PGCKA1: variants seen among roughly 807,000 people sequenced by gnomAD.
PGCKA1 encodes PDCD10 and GCKIII kinases-associated protein 1.
the PGCKA1 span, among the ~76,000 whole-genome samples, chr4:37,561,886 G>A: frequency 2.0e-5 from 3 of 152,134 alleles, no homozygotes; most frequent in East Asian, 1.9e-4. Context: ...TTGAGCTCAG[G>A]GCTAACAGCA....
chr4:37,567,335 G>T, the PGCKA1 span, among the ~76,000 whole-genome samples: 2 of 152,190 alleles, frequency 1.3e-5, no homozygotes. Context: ...ACACTCAGTG[G>T]CTAACTGCTT....
chr4:37,476,397 C>T, the PGCKA1 span, among the ~76,000 whole-genome samples: 107 of 152,242 alleles, frequency 7.0e-4, no homozygotes, highest in African/African-American at 2.2e-3. Context: ...AACATCTTGC[C>T]TATTGCTGTA....
chr4:37,577,766 G>T, the PGCKA1 span, among the ~76,000 whole-genome samples: 8 of 152,068 alleles, frequency 5.3e-5, no homozygotes, highest in African/African-American at 1.9e-4. Context: ...TGTGTTTCAA[G>T]AATTTTTTTC....
At chr4:37,517,287 G>A in the PGCKA1 span, among the ~76,000 whole-genome samples, 4 of 147,462 alleles carry the variant, frequency 2.7e-5, no homozygotes, top group Admixed American at 2.0e-4. Context: ...ATATAAATAT[G>A]TATAAATATA....
At chr4:37,555,606 T>C in the PGCKA1 span, among the ~76,000 whole-genome samples, 2 of 152,176 alleles carry the variant, frequency 1.3e-5, no homozygotes, top group African/African-American at 4.8e-5. Context: ...AGGGTGTGGC[T>C]CGAGAGGTGG....
At chr4:37,472,163 C>A in the PGCKA1 span, among the ~76,000 whole-genome samples, 1 of 152,186 alleles carries the variant, frequency 6.6e-6, no homozygotes, top group Non-Finnish European at 1.5e-5. Flanking sequence ...GACAGTCATG[C>A]AGTTAGGCTT....
the PGCKA1 span, among the ~76,000 whole-genome samples, chr4:37,589,473 A>G: frequency 6.6e-6 from 1 of 152,218 alleles, no homozygotes; most frequent in East Asian, 1.9e-4. Flanking sequence ...TAGTGACTGC[A>G]TAATATTCCA....
At chr4:37,582,604 C>CTTTAA in the PGCKA1 span, among the ~76,000 whole-genome samples, 3 of 152,134 alleles carry the variant, frequency 2.0e-5, no homozygotes, top group African/African-American at 7.2e-5. Flanking sequence ...AGAGTACAGG[C>CTTTAA]CAGTTGCTTT....
chr4:37,501,882 G>A, the PGCKA1 span, among the ~76,000 whole-genome samples: 270 of 152,252 alleles, frequency 1.8e-3, 2 homozygotes, highest in Admixed American at 3.7e-3. Flanking sequence ...ATCTTTGTGG[G>A]GTGGTGTTTC....
chr4:37,536,491 G>A, the PGCKA1 span, among the ~76,000 whole-genome samples: 2 of 152,154 alleles, frequency 1.3e-5, no homozygotes, highest in Non-Finnish European at 1.5e-5. Flanking sequence ...GTGATCTCCA[G>A]GCTGGACTGG....
the PGCKA1 span, among the ~76,000 whole-genome samples, chr4:37,572,070 T>TTTTTTC: frequency 6.6e-3 from 755 of 115,030 alleles, 18 homozygotes; most frequent in African/African-American, 0.023. Flanking sequence ...TTTCTTTTTT[T>TTTTTTC]TTTTTTTTTT....
chr4:37,539,669 A>G, the PGCKA1 span, among the ~76,000 whole-genome samples: 1 of 152,130 alleles, frequency 6.6e-6, no homozygotes, highest in Non-Finnish European at 1.5e-5. Context: ...AAGAATAAAC[A>G]TAAACCCTGT....
the PGCKA1 span, among the ~76,000 whole-genome samples, chr4:37,564,068 G>C: frequency 6.6e-6 from 1 of 151,968 alleles, no homozygotes; most frequent in African/African-American, 2.4e-5. Flanking sequence ...AGATCAGGAG[G>C]TCGAGACCCG....
the PGCKA1 span, among the ~76,000 whole-genome samples, chr4:37,474,948 A>G: frequency 6.6e-6 from 1 of 152,202 alleles, no homozygotes; most frequent in African/African-American, 2.4e-5. Flanking sequence ...AAAAATTAGT[A>G]GATTTTTTTC....
chr4:37,455,338 A>G, the PGCKA1 span, among the ~76,000 whole-genome samples: 3 of 152,344 alleles, frequency 2.0e-5, no homozygotes, highest in Non-Finnish European at 4.4e-5. Flanking sequence ...TAATTGAAAC[A>G]ATTTGAAGCT....
the PGCKA1 span, among the ~76,000 whole-genome samples, chr4:37,462,962 CA>C: frequency 0.023 from 1,399 of 60,292 alleles, 9 homozygotes; most frequent in African/African-American, 0.062. Context: ...GACTCAGTAT[CA>C]AAAAAAAAAA....
At chr4:37,481,949 G>T in the PGCKA1 span, among the ~76,000 whole-genome samples, 1 of 152,110 alleles carries the variant, frequency 6.6e-6, no homozygotes, top group Non-Finnish European at 1.5e-5. Context: ...TTCCCCCTTT[G>T]CTTGGCTCTC....
the PGCKA1 span, among the ~76,000 whole-genome samples, chr4:37,569,450 C>T: frequency 3.3e-5 from 5 of 152,078 alleles, no homozygotes; most frequent in African/African-American, 4.8e-5. Flanking sequence ...CTGCCTGCTT[C>T]GGCCTCCCAA....
At chr4:37,542,823 A>G in the PGCKA1 span, among the ~76,000 whole-genome samples, 2 of 152,198 alleles carry the variant, frequency 1.3e-5, no homozygotes, top group African/African-American at 2.4e-5. Flanking sequence ...AATCTCTATT[A>G]TATCATTGCA....
Sources: gnomAD v4.1 joint callset for allele counts (sites outside exome capture counted in the v4.1 genomes callset) on GRCh38, gnomAD v4.1.1 for gene constraint, MANE v1.5 for transcripts, NCBI Gene and HGNC (gene_info 2026-07-23, HGNC 2026-07-21) for gene names.